PIEZO1: variants seen among roughly 807,000 people sequenced by gnomAD.
PIEZO1 encodes the protein piezo-type mechanosensitive ion channel component 1.
In PIEZO1, 296 loss-of-function variants were observed where a neutral mutation model predicts 297.2. That is an observed-to-expected ratio of 1.00 (90% CI 0.91 to 1.10). The LOEUF (loss-of-function observed/expected upper bound fraction) is 1.10, where lower values mean the gene tolerates loss of function less well. Ranked by LOEUF, PIEZO1 falls within the 50% of genes least tolerant of loss-of-function variation. The pLI is 0.00. For missense variants in PIEZO1, 5,018 were observed against 3,455.5 expected, an observed-to-expected ratio of 1.45 and a Z score of -11.34; for synonymous variants, 2,427 against 1,507.5, an observed-to-expected ratio of 1.61 and a Z score of -14.13.
intron 2 of PIEZO1, chr16:88,743,605 A>T (rs1176732885): frequency 6.6e-6 from 3 of 456,488 alleles, no homozygotes; most frequent in African/African-American, 6.0e-5. Context: ...TTTGAGCACA[A>T]ATGGTGTTAG....
chr16:88,758,592 T>C lies in PIEZO1; in HGVS notation c.65-9113A>G, dbSNP rs112418583. ...CCACGGACTCACAAGACACAGCAGA[T>C]GCAGGAACAGCCTCGGCACCCACCT... On this transcript the variant is annotated intron_variant, in intron 1 of 50. Coordinates refer to ENST00000301015, the MANE Select transcript of PIEZO1 (RefSeq NM_001142864.4). Among the ~76,000 whole-genome samples the C allele has an allele frequency of 5.0e-3, 761 of 152,326 alleles. 4 individuals carry two copies. Among genetic ancestry groups the C allele is most frequent in the African/African-American group, 0.017 (718 of 41,570 alleles).
rs118184315 is a variant in PIEZO1 at position 88,761,175 on chromosome 16, C to T, written c.65-11696G>A. On this transcript the variant is annotated intron_variant, in intron 1 of 50. Transcript: ENST00000301015. ...AGCCACGTGGGTGGGACTGGGGGAACTGTCTCTGCCCAGGGAGCGGGGCAA... is the reference window on the plus strand; with the variant it reads ...AGCCACGTGGGTGGGACTGGGGGAATTGTCTCTGCCCAGGGAGCGGGGCAA... 2.6e-5 allele frequency among the ~76,000 whole-genome samples: 4 copies of T among 152,186 alleles called. No individual in the cohort carries two copies. The East Asian group carries it at 7.7e-4, about 29-fold the overall frequency.
intron 1 of PIEZO1, among the ~76,000 whole-genome samples, chr16:88,775,495 A>G (rs1293477528): frequency 1.3e-5 from 2 of 152,082 alleles, no homozygotes; most frequent in African/African-American, 4.8e-5. Flanking sequence ...TTGGGAGGCC[A>G]AGGCAGGCGG....
chr16:88,775,485 T>G (rs1792805979), intron 1 of PIEZO1, among the ~76,000 whole-genome samples: 1 of 151,764 alleles, frequency 6.6e-6, no homozygotes, highest in African/African-American at 2.4e-5. Flanking sequence ...TCCCAGCACT[T>G]TGGGAGGCCA....
Position 88,721,919 on chromosome 16 carries a change from G to C in PIEZO1, c.5103C>G (p.Val1701=). 6.5e-7 allele frequency: 1 copy of C among 1,550,200 alleles called. No homozygotes were observed. Among genetic ancestry groups the C allele is most frequent in the Non-Finnish European group, 8.7e-7 (1 of 1,146,832 alleles). Residue 1701 remains valine (V), a synonymous_variant, in exon 37 of 51, where the codon GTC becomes GTG. Transcript: ENST00000301015. ...CYFIIILNHM[V]TASAGSLVLP... ...GCACCAGCGAGCCGGCGGAGGCCGT[G>C]ACCATGTGGTTGAGGATGATGATGA...
chr16:88,759,568 C>T (rs781713016), intron 1 of PIEZO1, among the ~76,000 whole-genome samples: 2 of 152,210 alleles, frequency 1.3e-5, no homozygotes, highest in African/African-American at 4.8e-5. Context: ...GAAGAGCAGA[C>T]GTGGTACAGG....
At chr16:88,731,260 A>C (rs1055499249) in intron 22 of PIEZO1, 1 of 194,756 alleles carries the variant, frequency 5.1e-6, no homozygotes, top group African/African-American at 2.3e-5. Flanking sequence ...GGCTGTTTGA[A>C]TGCAGAGGAC....
chr16:88,738,969 C>T, intron 5 of PIEZO1: 1 of 579,428 alleles, frequency 1.7e-6, no homozygotes, highest in East Asian at 2.9e-5. Context: ...GGTAGCAGCT[C>T]CCACCCTGGC....
At chr16:88,723,200 C>G (rs1036500712) in intron 32 of PIEZO1, 26 bp downstream of exon 32, 2 of 1,548,944 alleles carry the variant, frequency 1.3e-6, no homozygotes, top group African/African-American at 2.7e-5. Context: ...GGCTTCCCCT[C>G]AGAGTCCCCA....
At chr16:88,739,139 G>A (rs895341031) in intron 5 of PIEZO1, 6 of 184,170 alleles carry the variant, frequency 3.3e-5, no homozygotes, top group African/African-American at 1.4e-4. Flanking sequence ...GAGACCAAGG[G>A]GGCCTGAGGG....
At chr16:88,747,750 T>A (rs1427819706) in intron 2 of PIEZO1, among the ~76,000 whole-genome samples, 2 of 152,200 alleles carry the variant, frequency 1.3e-5, no homozygotes, top group Non-Finnish European at 2.9e-5. Context: ...GCCCAACAGC[T>A]GACCTTAAAC....
chr16:88,749,545 C>T (rs1033935369), intron 1 of PIEZO1, 66 bp from the exon 2 acceptor site: 19 of 1,206,778 alleles, frequency 1.6e-5, no homozygotes, highest in African/African-American at 3.1e-5. Flanking sequence ...CAGAGGACAG[C>T]GCACCCACGG....
Position 88,721,949 on chromosome 16 carries a change from G to A in PIEZO1, c.5073C>T (p.Cys1691=). 1.3e-6 allele frequency: 2 copies of A among 1,550,148 alleles called. No homozygotes were observed. Among genetic ancestry groups the A allele is most frequent in the Non-Finnish European group, 1.7e-6 (2 of 1,146,822 alleles). ...QCVAAHSELL[C]YFIIILNHMV... ...TGTGGTTGAGGATGATGATGAAGTAGCAGAGCAGCTCCGAGTGGGCGGCCA... is the reference window on the plus strand; with the variant it reads ...TGTGGTTGAGGATGATGATGAAGTAACAGAGCAGCTCCGAGTGGGCGGCCA... Residue 1691 remains cysteine (C), a synonymous_variant, in exon 37 of 51, where the codon TGC becomes TGT. Transcript: ENST00000301015.
In PIEZO1 at chr16:88,749,367, G is replaced by T; in HGVS notation, c.160+17C>A. On this transcript the variant is annotated intron_variant, in intron 2 of 50. Coordinates refer to ENST00000301015, the MANE Select transcript of PIEZO1 (RefSeq NM_001142864.4). ...CCCTCCCACCCTGAGAGCGTGGGCA[G>T]GGTCCCCTGGCCTTACCTTGGAGGC... 1 of 1,457,084 alleles carries T rather than the reference G, an allele frequency of 6.9e-7. No individual in the cohort carries two copies. Among genetic ancestry groups the T allele is most frequent in the South Asian group, 1.4e-5 (1 of 72,018 alleles). 90.3% of individuals were successfully genotyped at this position (1,457,084 alleles called of 1,614,324 possible).
chr16:88,716,835 C>A lies in PIEZO1; in HGVS notation c.6724G>T (p.Glu2242Ter). 2.6e-6 allele frequency: 4 copies of A among 1,550,146 alleles called. No individual in the cohort carries two copies. The highest frequency in any genetic ancestry group is 3.5e-6 in the Non-Finnish European group (4 of 1,146,958). The change falls in exon 46 of 51, where the codon GAG (glutamate) becomes TAG (stop). Residue 2242 changes from glutamate to a stop codon, truncating the protein, a stop_gained. Transcript: ENST00000301015. LOFTEE classifies it high-confidence loss of function. ...IIPFTAQAYE[E>*]LSRQFDPQPL... is the part of the protein sequence containing the mutation. ...TGGGGGTCAAACTGCCGGGACAGCT[C>A]CTCATAGGCCTGGGCCGTGAAGGGG...
At position 88,716,002 on chromosome 16, in the gene PIEZO1, T is replaced by C. The variant is rs1414391586; in HGVS notation, c.7247A>G (p.Asn2416Ser). ...ACTGAAAATGACCATGGGCAGCAGG[T>C]TGCAGTCGGTCCGGCACTCCTGCAG... ...IELQECRTDC[N>S]LLPMVIFSDK... Residue 2416 changes from asparagine (N) to serine (S), a missense_variant, in exon 50 of 51, where the codon AAC becomes AGC. Coordinates refer to ENST00000301015, the MANE Select transcript of PIEZO1 (RefSeq NM_001142864.4). 4.5e-6 allele frequency: 7 copies of C among 1,550,046 alleles called. No homozygotes were observed. The African/African-American group carries it at 6.8e-5, about 15-fold the overall frequency.
At chr16:88,751,279 C>T (rs1429072490) in intron 1 of PIEZO1, among the ~76,000 whole-genome samples, 1 of 152,204 alleles carries the variant, frequency 6.6e-6, no homozygotes, top group Non-Finnish European at 1.5e-5. Flanking sequence ...GGGCCTTTCA[C>T]AGCCTGGTGG....
At chr16:88,755,687 C>T (rs4782346) in intron 1 of PIEZO1, among the ~76,000 whole-genome samples, 2 of 152,018 alleles carry the variant, frequency 1.3e-5, no homozygotes, top group Non-Finnish European at 2.9e-5. Flanking sequence ...GCCTTTTCAC[C>T]GAACGGTGGC....
intron 1 of PIEZO1, among the ~76,000 whole-genome samples, chr16:88,768,920 A>T (rs1907299266): frequency 6.6e-6 from 1 of 152,202 alleles, no homozygotes; most frequent in South Asian, 2.1e-4. Context: ...GGCCGGATGC[A>T]CCTTGGCAAA....
Sources: gnomAD v4.1 joint callset for allele counts (sites outside exome capture counted in the v4.1 genomes callset) on GRCh38, gnomAD v4.1.1 for gene constraint, MANE v1.5 for transcripts, NCBI Gene and HGNC (gene_info 2026-07-23, HGNC 2026-07-21) for gene names.